ZFAT: variants seen among roughly 807,000 people sequenced by gnomAD.
ZFAT encodes zinc finger protein ZFAT.
In ZFAT, 64 loss-of-function variants were observed where a neutral mutation model predicts 117.7. The ratio of observed to expected loss-of-function variants is 0.54; its 90% CI spans 0.44 to 0.67. The LOEUF (loss-of-function observed/expected upper bound fraction) is 0.67. ZFAT is among the 30% of genes least tolerant of loss of function. The probability of loss-of-function intolerance (pLI) is 0.00; values close to 1 mark genes in which losing one functional copy is unlikely to be tolerated. For missense variants in ZFAT, 1,433 were observed against 1,584.5 expected (o/e 0.90, Z 1.62); for synonymous variants, 679 against 615.0 (o/e 1.10, Z -1.54).
intron 1 of ZFAT, among the ~76,000 whole-genome samples, chr8:134,675,185 G>A (rs1832735966): frequency 6.6e-6 from 1 of 152,216 alleles, no homozygotes. Context: ...CTAACCCAAT[G>A]CAAGGAAGCT....
At chr8:134,673,772 C>T (rs897137557) in intron 1 of ZFAT, among the ~76,000 whole-genome samples, 5 of 152,112 alleles carry the variant, frequency 3.3e-5, no homozygotes, top group Non-Finnish European at 5.9e-5. Context: ...TAAGTATTCC[C>T]ATGTATTTTA....
In ZFAT at chr8:134,657,745, G is replaced by A. The variant is rs1831698544; in HGVS notation, c.20-8C>T. The A allele has an allele frequency of 3.1e-6, 5 of 1,595,102 alleles. No individual in the cohort carries two copies. The highest frequency in any genetic ancestry group is 1.8e-5 in the Admixed American group (1 of 55,324). ...TAAAGATGGCCGTGTTTTCTGTAAG[G>A]AAAAAAAAGGAAAATATGTTATTTC... On this transcript the variant is annotated splice_polypyrimidine_tract_variant and splice_region_variant and intron_variant, in intron 1 of 15. Transcript: ENST00000377838.
chr8:134,639,822 ACT>A (rs1830482545), intron 2 of ZFAT: 1 of 455,916 alleles, frequency 2.2e-6, no homozygotes, highest in Non-Finnish European at 4.4e-6. Flanking sequence ...CTAAGAGTTT[ACT>A]GAAGCCTGCG....
the ZFAT span, among the ~76,000 whole-genome samples, chr8:134,780,601 C>T: frequency 6.6e-6 from 1 of 152,216 alleles, no homozygotes; most frequent in African/African-American, 2.4e-5. Context: ...AATGCTAGTT[C>T]AGGACCTATT....
At chr8:134,495,979 AAG>A (rs1355857497) in intron 15 of ZFAT, among the ~76,000 whole-genome samples, 3 of 152,260 alleles carry the variant, frequency 2.0e-5, no homozygotes, top group African/African-American at 7.2e-5. Flanking sequence ...TCCTGATGCC[AAG>A]CATAGAGCCT....
chr8:134,503,598 C>A (rs534828177), intron 15 of ZFAT, among the ~76,000 whole-genome samples: 1 of 152,138 alleles, frequency 6.6e-6, no homozygotes, highest in Non-Finnish European at 1.5e-5. Flanking sequence ...AACTGGCAGA[C>A]TGAATAAAGC....
At chr8:134,692,292 G>C (rs913366718) in intron 1 of ZFAT, among the ~76,000 whole-genome samples, 5 of 152,174 alleles carry the variant, frequency 3.3e-5, no homozygotes, top group African/African-American at 9.7e-5. Flanking sequence ...CTATAAAATG[G>C]GAATAAATGC....
At chr8:134,482,073 G>A (rs1031147492) in intron 15 of ZFAT, among the ~76,000 whole-genome samples, 5 of 152,132 alleles carry the variant, frequency 3.3e-5, no homozygotes, top group South Asian at 2.1e-4. Flanking sequence ...GCTCTGTTCC[G>A]CGCCCTCTCC....
At chr8:134,741,124 C>A in the ZFAT span, among the ~76,000 whole-genome samples, 1 of 152,168 alleles carries the variant, frequency 6.6e-6, no homozygotes, top group South Asian at 2.1e-4. Context: ...TATATTGACT[C>A]CTTCCCATCA....
chr8:134,761,770 CA>C, the ZFAT span, among the ~76,000 whole-genome samples: 9 of 151,946 alleles, frequency 5.9e-5, no homozygotes, highest in African/African-American at 1.7e-4. Context: ...CAATAAGTCA[CA>C]ACAATAACCA....
chr8:134,571,016 A>G (rs989423080), intron 10 of ZFAT, among the ~76,000 whole-genome samples: 1 of 152,194 alleles, frequency 6.6e-6, no homozygotes, highest in Non-Finnish European at 1.5e-5. Flanking sequence ...GATGAAGACA[A>G]TCTCCTGGCT....
intron 15 of ZFAT, among the ~76,000 whole-genome samples, chr8:134,488,595 T>C (rs1817819969): frequency 1.3e-5 from 2 of 152,160 alleles, no homozygotes; most frequent in Admixed American, 1.3e-4. Flanking sequence ...TTCTAGGCCC[T>C]CTCTTCTGTC....
chr8:134,651,640 G>T (rs1273375032), intron 2 of ZFAT, among the ~76,000 whole-genome samples: 1 of 152,028 alleles, frequency 6.6e-6, no homozygotes, highest in Non-Finnish European at 1.5e-5. Context: ...TAAAAGCAAA[G>T]AAAACATAAA....
At chr8:134,821,035 C>T in the ZFAT span, among the ~76,000 whole-genome samples, 2 of 152,098 alleles carry the variant, frequency 1.3e-5, no homozygotes, top group African/African-American at 4.8e-5. Flanking sequence ...TCTACATGTG[C>T]CAATTCTAGA....
intron 5 of ZFAT, among the ~76,000 whole-genome samples, chr8:134,604,549 C>T (rs911873882): frequency 6.6e-6 from 1 of 152,194 alleles, no homozygotes; most frequent in Non-Finnish European, 1.5e-5. Context: ...CTTCTCCAGC[C>T]GTAACTGCTT....
intron 15 of ZFAT, among the ~76,000 whole-genome samples, chr8:134,480,043 C>A (rs1817186841): frequency 6.6e-6 from 1 of 151,122 alleles, no homozygotes; most frequent in African/African-American, 2.4e-5. Flanking sequence ...AACCCTGCAA[C>A]CTCTGACTCC....
the ZFAT span, among the ~76,000 whole-genome samples, chr8:134,734,694 C>T: frequency 6.6e-6 from 1 of 152,148 alleles, no homozygotes; most frequent in African/African-American, 2.4e-5. Flanking sequence ...TCTTGCAGAG[C>T]ATGCAGGAAC....
chr8:134,639,069 C>G (rs1191840094), intron 2 of ZFAT, among the ~76,000 whole-genome samples: 1 of 152,202 alleles, frequency 6.6e-6, no homozygotes, highest in Admixed American at 6.5e-5. Context: ...GGACACCAGC[C>G]ACTTTATCTA....
chr8:134,626,252 G>C (rs1045417993), intron 3 of ZFAT, among the ~76,000 whole-genome samples: 1 of 152,226 alleles, frequency 6.6e-6, no homozygotes, highest in Non-Finnish European at 1.5e-5. Context: ...CTCTGAAGCA[G>C]GGGAGCGTGG....
Sources: gnomAD v4.1 joint callset for allele counts (sites outside exome capture counted in the v4.1 genomes callset) on GRCh38, gnomAD v4.1.1 for gene constraint, MANE v1.5 for transcripts, NCBI Gene and HGNC (gene_info 2026-07-23, HGNC 2026-07-21) for gene names.